The following KCND3 variants were observed in gnomAD, a reference collection of about 807,000 sequenced individuals.
KCND3 encodes the protein potassium voltage-gated channel subfamily D member 3.
In KCND3, 9 loss-of-function variants were observed where a neutral mutation model predicts 51.1. That is an observed-to-expected ratio of 0.18 (90% CI 0.11 to 0.31). The LOEUF (loss-of-function observed/expected upper bound fraction) is 0.31, where lower values mean the gene tolerates loss of function less well. KCND3 is among the 10% of genes least tolerant of loss of function. KCND3 has a pLI of 1.00. For missense variants in KCND3, 526 were observed against 903.8 expected, an observed-to-expected ratio of 0.58 and a Z score of 5.36; for synonymous variants, 349 against 368.0, an observed-to-expected ratio of 0.95 and a Z score of 0.59.
chr1:111,936,367 A>C (rs1428695837), intron 2 of KCND3, among the ~76,000 whole-genome samples: 2 of 152,186 alleles, frequency 1.3e-5, no homozygotes, highest in African/African-American at 4.8e-5. Context: ...AAAATATGAC[A>C]AAGTAGGTTT....
At chr1:111,878,469 T>A (rs1484029016) in intron 2 of KCND3, among the ~76,000 whole-genome samples, 2 of 152,154 alleles carry the variant, frequency 1.3e-5, no homozygotes, top group Non-Finnish European at 2.9e-5. Context: ...CAGGGCCCAT[T>A]TGTGGCCCCT....
At chr1:111,918,677 G>A (rs538183971) in intron 2 of KCND3, among the ~76,000 whole-genome samples, 1 of 152,276 alleles carries the variant, frequency 6.6e-6, no homozygotes, top group African/African-American at 2.4e-5. Context: ...ATATGAAACT[G>A]AGGGGCTGAA....
chr1:111,826,058 G>A (rs1666555981), intron 2 of KCND3, among the ~76,000 whole-genome samples: 1 of 152,172 alleles, frequency 6.6e-6, no homozygotes, highest in Non-Finnish European at 1.5e-5. Flanking sequence ...AATTTTCATT[G>A]TGATTACTAG....
intron 2 of KCND3, among the ~76,000 whole-genome samples, chr1:111,848,765 T>A (rs1667677774): frequency 6.6e-6 from 1 of 152,130 alleles, no homozygotes; most frequent in African/African-American, 2.4e-5. Context: ...GCCTGTAGGA[T>A]GTGGATAGTA....
At position 111,944,473 on chromosome 1, in the gene KCND3, C is replaced by T. The variant is rs555939645; in HGVS notation, c.1106+37148G>A. 3.9e-4 allele frequency among the ~76,000 whole-genome samples: 60 copies of T among 152,354 alleles called. 1 individual carries two copies. In the South Asian group the frequency reaches 0.012, roughly 31 times the overall value. ...TCTGGAGGCTCCGTCTGGCCCAAGACTCCCTCTGTCATTTCCCCCAGTAGA... is the reference window on the plus strand; with the variant it reads ...TCTGGAGGCTCCGTCTGGCCCAAGATTCCCTCTGTCATTTCCCCCAGTAGA... On this transcript the variant is annotated intron_variant, in intron 2 of 7. Coordinates refer to ENST00000302127, the MANE Select transcript of KCND3 (RefSeq NM_001378969.1).
chr1:111,821,620 C>T (rs1342348962), intron 2 of KCND3, among the ~76,000 whole-genome samples: 2 of 152,174 alleles, frequency 1.3e-5, no homozygotes, highest in East Asian at 3.8e-4. Context: ...GGCTGTGGGG[C>T]TCAGGACACA....
intron 2 of KCND3, among the ~76,000 whole-genome samples, chr1:111,929,227 G>A (rs1004672087): frequency 1.3e-5 from 2 of 152,090 alleles, no homozygotes; most frequent in East Asian, 1.9e-4. Context: ...TCACCACCTC[G>A]GTTCTCTGCT....
At chr1:111,841,950 C>T (rs1667340058) in intron 2 of KCND3, among the ~76,000 whole-genome samples, 1 of 152,190 alleles carries the variant, frequency 6.6e-6, no homozygotes, top group Admixed American at 6.5e-5. Context: ...CAGGGGATGG[C>T]TCTTCACTGA....
At chr1:111,986,412 C>T (rs1296295969) in intron 1 of KCND3, among the ~76,000 whole-genome samples, 1 of 152,184 alleles carries the variant, frequency 6.6e-6, no homozygotes, top group Non-Finnish European at 1.5e-5. Context: ...AAATGGCTTT[C>T]CTGATCTAGG....
At chr1:111,919,562 C>T (rs1348026236) in intron 2 of KCND3, among the ~76,000 whole-genome samples, 2 of 152,132 alleles carry the variant, frequency 1.3e-5, no homozygotes, top group Admixed American at 1.3e-4. Flanking sequence ...GGAGAGGAGG[C>T]AGGGTCTCAT....
At chr1:111,819,437 T>C (rs1301444182) in intron 2 of KCND3, among the ~76,000 whole-genome samples, 1 of 152,044 alleles carries the variant, frequency 6.6e-6, no homozygotes, top group Non-Finnish European at 1.5e-5. Context: ...AATGTCTCTC[T>C]TCCCCTCCTC....
In KCND3 at chr1:111,869,513, AC is replaced by A. The variant is rs1668739106; in HGVS notation, c.1107-82408del. Among the ~76,000 whole-genome samples the A allele has an allele frequency of 3.9e-5, 6 of 152,202 alleles. No individual in the cohort carries two copies. The South Asian group carries it at 1.2e-3, about 32-fold the overall frequency. ...TTCTTCCAGGGATTGGCCTAACTGG[AC>A]AATAAATAGGGACAGTCACAGGGTA... On this transcript the variant is annotated intron_variant, in intron 2 of 7. Coordinates refer to ENST00000302127, the MANE Select transcript of KCND3 (RefSeq NM_001378969.1).
At chr1:111,872,379 C>T (rs1213363149) in intron 2 of KCND3, among the ~76,000 whole-genome samples, 1 of 152,242 alleles carries the variant, frequency 6.6e-6, no homozygotes, top group Admixed American at 6.5e-5. Context: ...AGAAGCCCTA[C>T]ACTGAAGAAC....
intron 2 of KCND3, among the ~76,000 whole-genome samples, chr1:111,810,702 G>A (rs1199704030): frequency 6.6e-6 from 1 of 152,256 alleles, no homozygotes; most frequent in Non-Finnish European, 1.5e-5. Flanking sequence ...ACTCCAAGGA[G>A]CTGGTTTCAG....
chr1:111,937,740 G>C (rs1221373959), intron 2 of KCND3, among the ~76,000 whole-genome samples: 1 of 152,190 alleles, frequency 6.6e-6, no homozygotes, highest in Non-Finnish European at 1.5e-5. Flanking sequence ...AAGGGGACAG[G>C]CCCTTAGCTG....
At chr1:111,881,615 C>T (rs764130093) in intron 2 of KCND3, among the ~76,000 whole-genome samples, 1 of 152,220 alleles carries the variant, frequency 6.6e-6, no homozygotes, top group Non-Finnish European at 1.5e-5. Context: ...CAGCAGCCAC[C>T]TCTCATGACA....
chr1:111,953,189 G>A (rs1352445799), intron 2 of KCND3, among the ~76,000 whole-genome samples: 4 of 152,052 alleles, frequency 2.6e-5, no homozygotes, highest in African/African-American at 7.2e-5. Context: ...TCTCCAGTGA[G>A]GTGCAAGGCC....
At chr1:111,869,904 A>AACACAC (rs35756898) in intron 2 of KCND3, among the ~76,000 whole-genome samples, 2 of 151,058 alleles carry the variant, frequency 1.3e-5, no homozygotes, top group Non-Finnish European at 3.0e-5. Flanking sequence ...CAAAAGAATG[A>AACACAC]ACACACACAC....
intron 2 of KCND3, among the ~76,000 whole-genome samples, chr1:111,919,986 A>T (rs142049092): frequency 6.6e-6 from 1 of 152,170 alleles, no homozygotes; most frequent in Non-Finnish European, 1.5e-5. Flanking sequence ...CTGCTATAAC[A>T]TCTCCCTCTC....
Sources: allele counts gnomAD v4.1 joint callset (sites outside exome capture counted in the v4.1 genomes callset), GRCh38; gene constraint gnomAD v4.1.1; transcripts MANE v1.5; gene names NCBI Gene and HGNC (gene_info 2026-07-23, HGNC 2026-07-21).